UBR4: variants seen among roughly 807,000 people sequenced by gnomAD.
The protein encoded by UBR4 is E3 ubiquitin-protein ligase UBR4.
Under a neutral mutation model 575.6 loss-of-function variants are expected in UBR4, and 124 were observed. The observed-to-expected ratio is 0.22, with a 90% confidence interval of 0.19 to 0.25. The LOEUF (loss-of-function observed/expected upper bound fraction) is 0.25, where lower values mean the gene tolerates loss of function less well. Ranked by LOEUF, UBR4 falls within the 10% of genes least tolerant of loss-of-function variation. The probability of loss-of-function intolerance (pLI) is 1.00; values close to 1 mark genes in which losing one functional copy is unlikely to be tolerated. For missense variants in UBR4, 4,818 were observed against 6,478.8 expected (o/e 0.74, Z 8.80); for synonymous variants, 2,455 against 2,473.7 (o/e 0.99, Z 0.22).
Position 19,201,664 on chromosome 1 carries a change from C to T in UBR4, c.274+54G>A, listed in dbSNP as rs917208260. 7.7e-5 allele frequency: 115 copies of T among 1,488,192 alleles called. No homozygotes were observed. In the East Asian group the frequency reaches 2.6e-3, roughly 33 times the overall value. The allele number at this position is 1,488,192 out of a possible 1,614,324, so 92.2% of individuals were successfully genotyped here. On this transcript the variant is annotated intron_variant, in intron 2 of 105. Transcript: ENST00000375254. The stretch of plus-strand genomic sequence containing the variant: ...TCAGATACACTAACGAGAGGATAAA[C>T]AATCCCCCTATTCACAAGCCCTCAG...
chr1:19,204,533 A>ATATATATATAT (rs200363179), intron 1 of UBR4, among the ~76,000 whole-genome samples: 32 of 150,774 alleles, frequency 2.1e-4, no homozygotes, highest in Admixed American at 1.7e-3. Context: ...TATATAAAAA[A>ATATATATATAT]AAATATATAT....
chr1:19,163,791 T>C lies in UBR4; in HGVS notation c.4737A>G (p.Lys1579=), dbSNP rs146546416. ...KYLSQKNVVE[K]LNANVMHGKH... ...TTCCATGCATTACATTGGCATTCAG[T>C]TTTTCAACTACATTCTTCTGTGACA... The change falls in exon 34 of 106, where the codon AAA becomes AAG. Residue 1579 remains lysine (K), a synonymous_variant. Coordinates refer to ENST00000375254, the MANE Select transcript of UBR4 (RefSeq NM_020765.3). 6.2e-4 allele frequency: 998 copies of C among 1,614,132 alleles called. 2 individuals are homozygous for C. Among genetic ancestry groups the C allele is most frequent in the Non-Finnish European group, 8.0e-4 (942 of 1,180,016 alleles).
At position 19,140,844 on chromosome 1, in the gene UBR4, T is replaced by C; in HGVS notation, c.8537A>G (p.Gln2846Arg). ...LGLQSLGLSGQAPSSSSLDAG... is the reference protein window; with the variant it reads ...LGLQSLGLSGRAPSSSSLDAG... ...GTCCAGAGAGGAAGAGCTGGGTGCC[T>C]GGCCGGACAGTCCCAGGCTCTGCAG... The change falls in exon 58 of 106, where the codon CAG becomes CGG. Residue 2846 changes from glutamine to arginine, a missense_variant. By Grantham distance (43) the Gln-to-Arg change is conservative. Coordinates refer to ENST00000375254, the MANE Select transcript of UBR4 (RefSeq NM_020765.3). 6.2e-7 allele frequency: 1 copy of C among 1,613,018 alleles called. No individual in the cohort carries two copies. Among genetic ancestry groups the C allele is most frequent in the Non-Finnish European group, 8.5e-7 (1 of 1,179,896 alleles).
chr1:19,157,773 C>G lies in UBR4; in HGVS notation c.5760+42G>C. Reference sequence around the variant, plus strand: ...AATTTGTTTTGCTTAGCATTTAAGACAATATGACCTAAAGTAAGCGCACAA... The same window carrying G: ...AATTTGTTTTGCTTAGCATTTAAGAGAATATGACCTAAAGTAAGCGCACAA... On this transcript the variant is annotated intron_variant, in intron 40 of 105. Coordinates refer to ENST00000375254, the MANE Select transcript of UBR4 (RefSeq NM_020765.3). This position sits in a 1 kb window ranked among gnomAD's most constrained non-coding sequence, Gnocchi z 4.4. The G allele has an allele frequency of 3.8e-6, 6 of 1,598,306 alleles. No individual in the cohort carries two copies. Among genetic ancestry groups the G allele is most frequent in the Non-Finnish European group, 5.1e-6 (6 of 1,169,474 alleles).
rs111797750 is a variant in UBR4 at position 19,093,603 on chromosome 1, G to T, written c.13938-117C>A. The T allele has an allele frequency of 7.5e-3, 8,631 of 1,148,126 alleles. 42 individuals carry two copies. Among genetic ancestry groups the T allele is most frequent in the Non-Finnish European group, 9.1e-3 (7,386 of 811,954 alleles). 71.1% of individuals were successfully genotyped at this position (1,148,126 alleles called of 1,614,324 possible). A position where few individuals can be genotyped will look rare whatever the true frequency, so the allele number is the denominator to read the frequency against. On this transcript the variant is annotated intron_variant, in intron 95 of 105. Coordinates refer to ENST00000375254, the MANE Select transcript of UBR4 (RefSeq NM_020765.3). This position sits in a 1 kb window ranked among gnomAD's most constrained non-coding sequence, Gnocchi z 4.8. ...GAAGATCAAGGCTAAATTCCCTAAC[G>T]TGACACAAAGACCTATCTGCCCCGG...
At chr1:19,076,220 C>T (rs924165673) in intron 105 of UBR4, among the ~76,000 whole-genome samples, 3 of 152,224 alleles carry the variant, frequency 2.0e-5, no homozygotes, top group Admixed American at 6.5e-5. Flanking sequence ...TGTCTGACCA[C>T]GTCTCCCACA....
In UBR4 at chr1:19,081,509, A is replaced by T; in HGVS notation, c.15073T>A (p.Trp5025Arg). The change falls in exon 103 of 106, where the codon TGG becomes AGG. Residue 5025 changes from tryptophan to arginine, a missense_variant. Coordinates refer to ENST00000375254, the MANE Select transcript of UBR4 (RefSeq NM_020765.3). Reference protein sequence around the residue: ...QGFLEQPKEKWVESAFEVDGP... With the variant: ...QGFLEQPKEKRVESAFEVDGP... Reference sequence around the variant, plus strand: ...TCCACTTCAAAGGCACTCTCCACCCACTTCTCCTTGGGCTGTTCCAGAAAG... The same window carrying T: ...TCCACTTCAAAGGCACTCTCCACCCTCTTCTCCTTGGGCTGTTCCAGAAAG... 6.2e-7 allele frequency: 1 copy of T among 1,613,590 alleles called. No individual in the cohort carries two copies. Among genetic ancestry groups the T allele is most frequent in the Non-Finnish European group, 8.5e-7 (1 of 1,179,936 alleles).
Position 19,115,503 on chromosome 1 carries a change from G to A in UBR4, c.10958C>T (p.Ala3653Val), listed in dbSNP as rs1384130324. The A allele has an allele frequency of 6.2e-7, 1 of 1,614,238 alleles. No homozygotes were observed. Among genetic ancestry groups the A allele is most frequent in the South Asian group, 1.1e-5 (1 of 91,088 alleles). Residue 3653 changes from alanine to valine, a missense_variant, in exon 74 of 106, where the codon GCC (alanine) becomes GTC (valine). Ala to Val is a moderately conservative substitution (Grantham distance 64, BLOSUM62 0). Transcript: ENST00000375254. ...EFADFYENYQ[A>V]STETLQCPRC... ...AGGGCACTGCAGGGTCTCTGTGGAG[G>A]CCTGGTAGTTTTCATAGAAGTCTGC... is the stretch of plus-strand genomic sequence containing the variant.
chr1:19,141,758 G>A lies in UBR4; in HGVS notation c.8199C>T (p.Asp2733=), dbSNP rs899567332. The A allele has an allele frequency of 2.3e-5, 37 of 1,613,936 alleles. No homozygotes were observed. The Admixed American group carries it at 2.8e-4, about 12-fold the overall frequency. Residue 2733 remains aspartate (D), a synonymous_variant, in exon 56 of 106, where the codon GAC becomes GAT. Coordinates refer to ENST00000375254, the MANE Select transcript of UBR4 (RefSeq NM_020765.3). ...NTPMGDKDDD[D]DDDADEKMQS... ...GCATTTTCTCATCTGCATCATCATC[G>A]TCATCATCATCCTTGTCTCCTGAGT...
In UBR4 at chr1:19,177,552, C is replaced by T. The variant is rs139123147; in HGVS notation, c.2546G>A (p.Arg849His). The T allele has an allele frequency of 5.3e-5, 86 of 1,613,796 alleles. No individual in the cohort carries two copies. Among genetic ancestry groups the T allele is most frequent in the South Asian group, 1.9e-4 (17 of 91,062 alleles). ...GCGAGCCAAGATAAGCGGCACGAAGCGCATCTGAGCATCCATGTTGACGCT... is the reference window on the plus strand; with the variant it reads ...GCGAGCCAAGATAAGCGGCACGAAGTGCATCTGAGCATCCATGTTGACGCT... ...ELSVNMDAQM[R>H]FVPLILARLL... The change falls in exon 19 of 106, where the codon CGC (arginine) becomes CAC (histidine). Residue 849 changes from arginine (R) to histidine (H), a missense_variant. Transcript: ENST00000375254.
chr1:19,187,421 C>T lies in UBR4; in HGVS notation c.1494+20G>A. The T allele has an allele frequency of 6.2e-7, 1 of 1,613,846 alleles. No individual in the cohort carries two copies. Among genetic ancestry groups the T allele is most frequent in the Non-Finnish European group, 8.5e-7 (1 of 1,179,816 alleles). ...ATCCCGCAATCAATATGCTGATTAC[C>T]ATGGGGATAACCTCCTCACCTTGTG... On this transcript the variant is annotated intron_variant, in intron 12 of 105. Coordinates refer to ENST00000375254, the MANE Select transcript of UBR4 (RefSeq NM_020765.3).
chr1:19,195,838 A>C (rs979234296), intron 8 of UBR4, among the ~76,000 whole-genome samples: 1 of 152,138 alleles, frequency 6.6e-6, no homozygotes, highest in African/African-American at 2.4e-5. Flanking sequence ...CTCACAGCTC[A>C]GAATCTTTAA....
rs1017751015 is a variant in UBR4, at chr1:19,104,568, T to C, written c.12727+17A>G. ...AGATTCAGGATGCCCTAAAGGAAGGTCCAGGTGGCTCTTTACCTGTGAGAC... is the reference window on the plus strand; with the variant it reads ...AGATTCAGGATGCCCTAAAGGAAGGCCCAGGTGGCTCTTTACCTGTGAGAC... On this transcript the variant is annotated intron_variant, in intron 86 of 105. Coordinates refer to ENST00000375254, the MANE Select transcript of UBR4 (RefSeq NM_020765.3). The C allele has an allele frequency of 1.2e-5, 20 of 1,613,488 alleles. No individual in the cohort carries two copies. Among genetic ancestry groups the C allele is most frequent in the African/African-American group, 2.7e-5 (2 of 74,900 alleles).
chr1:19,199,734 A>T lies in UBR4; in HGVS notation c.295T>A (p.Ser99Thr). The change falls in exon 3 of 106, where the codon TCA (serine) becomes ACA (threonine). Residue 99 changes from serine to threonine, a missense_variant. Physicochemically the swap from Ser to Thr is moderately conservative, Grantham distance 58. Coordinates refer to ENST00000375254, the MANE Select transcript of UBR4 (RefSeq NM_020765.3). ...CSLIPRNQLQ[S>T]VAAACKVLIE... is the part of the protein sequence containing the mutation. Reference sequence around the variant, plus strand: ...AGAACTTTACAGGCTGCTGCCACTGACTGAAGTTGGTTCCGGGGAACTGAG... The same window carrying T: ...AGAACTTTACAGGCTGCTGCCACTGTCTGAAGTTGGTTCCGGGGAACTGAG... 1.2e-6 allele frequency: 2 copies of T among 1,614,142 alleles called. No homozygotes were observed. Among genetic ancestry groups the T allele is most frequent in the Non-Finnish European group, 1.7e-6 (2 of 1,180,004 alleles).
chr1:19,113,152 T>C, intron 77 of UBR4: 1 of 376,530 alleles, frequency 2.7e-6, no homozygotes, highest in Non-Finnish European at 4.8e-6. Context: ...CAGAAGCTAA[T>C]ACACGTGTAG....
chr1:19,189,337 T>A (rs2091854696), intron 11 of UBR4, among the ~76,000 whole-genome samples: 5 of 152,154 alleles, frequency 3.3e-5, no homozygotes, highest in Admixed American at 3.3e-4. Context: ...TGGGAATTCA[T>A]CCCAACAGGA....
chr1:19,136,991 T>G (rs547046113), intron 60 of UBR4, among the ~76,000 whole-genome samples: 1 of 152,128 alleles, frequency 6.6e-6, no homozygotes, highest in South Asian at 2.1e-4. Context: ...TTTTACCTGA[T>G]AGAAATCATA....
chr1:19,107,018 C>T (rs767515156), intron 81 of UBR4, 52 bp from the exon 82 acceptor site: 13 of 1,600,754 alleles, frequency 8.1e-6, no homozygotes, highest in East Asian at 2.3e-5. Context: ...ACACCTGAGC[C>T]ATAGCCCCAA....
At position 19,157,659 on chromosome 1, in the gene UBR4, T is replaced by C. The variant is rs2086639858; in HGVS notation, c.5760+156A>G. On this transcript the variant is annotated intron_variant, in intron 40 of 105. Transcript: ENST00000375254. This position sits in a 1 kb window ranked among gnomAD's most constrained non-coding sequence, Gnocchi z 4.4. ...ATCAAATCAATTCAGGGTTCAAGTATTTGAAAAGCTCAACAAGATCTGTCC... is the reference window on the plus strand; with the variant it reads ...ATCAAATCAATTCAGGGTTCAAGTACTTGAAAAGCTCAACAAGATCTGTCC... Among the ~76,000 whole-genome samples, 1 of 152,266 alleles carries C rather than the reference T, an allele frequency of 6.6e-6. No individual in the cohort carries two copies. Among genetic ancestry groups the C allele is most frequent in the African/African-American group, 2.4e-5 (1 of 41,478 alleles).
Sources: gnomAD v4.1 joint callset for allele counts (sites outside exome capture counted in the v4.1 genomes callset) on GRCh38, gnomAD v4.1.1 for gene constraint, Gnocchi (gnomAD v3.1) non-coding constraint, MANE v1.5 for transcripts, NCBI Gene and HGNC (gene_info 2026-07-23, HGNC 2026-07-21) for gene names.